Variants in RGSL1 observed in about 807,000 individuals in gnomAD.
The protein encoded by RGSL1 is regulator of G protein signaling like 1, also known as regulator of G protein signaling protein-like.
RGSL1 carries 97 observed loss-of-function variants against 124.7 expected under a neutral mutation model. That is an observed-to-expected ratio of 0.78 (90% CI 0.66 to 0.92). The LOEUF (loss-of-function observed/expected upper bound fraction) is 0.92, where lower values mean the gene tolerates loss of function less well. Among genes scored for constraint, RGSL1 ranks in the 40% least tolerant of loss-of-function variants. The pLI, the probability that RGSL1 is intolerant of heterozygous loss-of-function variation, is 0.00. For missense variants in RGSL1, 1,233 were observed against 1,288.4 expected (o/e 0.96, Z 0.66); for synonymous variants, 424 against 438.1 (o/e 0.97, Z 0.40).
At chr1:182,532,612 G>A (rs1271813163) in intron 13 of RGSL1, 50 bp from the exon 14 acceptor site, 1 of 1,535,818 alleles carries the variant, frequency 6.5e-7, no homozygotes, top group Non-Finnish European at 8.8e-7. Flanking sequence ...GACTCTCGGT[G>A]AACAGCAACC....
intron 11 of RGSL1, 38 bp downstream of exon 11, chr1:182,527,810 T>G: frequency 6.7e-7 from 1 of 1,493,216 alleles, no homozygotes; most frequent in Non-Finnish European, 9.1e-7. Flanking sequence ...CTCTCTCTCT[T>G]TAGTGTCTTA....
chr1:182,501,685 A>G (rs1656396399), intron 9 of RGSL1, among the ~76,000 whole-genome samples: 1 of 152,052 alleles, frequency 6.6e-6, no homozygotes, highest in Admixed American at 6.6e-5. Flanking sequence ...GGATTTTTGC[A>G]TCTATATCCA....
rs2101984913 is a variant in RGSL1, at chr1:182,456,089, G to A, written c.96+2049G>A. Among the ~76,000 whole-genome samples the A allele has an allele frequency of 2.6e-5, 4 of 152,194 alleles. No individual in the cohort carries two copies. The South Asian group carries it at 8.3e-4, about 32-fold the overall frequency. On this transcript the variant is annotated intron_variant, in intron 2 of 21. Coordinates refer to ENST00000294854, the MANE Select transcript of RGSL1 (RefSeq NM_001137669.2). Reference sequence around the variant, plus strand: ...AGATTGTTAACAAAACAAAATATAGGACCATGTCACTGTTTAAGTGTTGGG... The same window carrying A: ...AGATTGTTAACAAAACAAAATATAGAACCATGTCACTGTTTAAGTGTTGGG...
intron 8 of RGSL1, among the ~76,000 whole-genome samples, chr1:182,492,119 G>C (rs1376202560): frequency 6.6e-6 from 1 of 152,346 alleles, no homozygotes. Context: ...TCAGAGCTGA[G>C]AAAGGGAAAA....
At chr1:182,494,746 C>T (rs936636349) in intron 9 of RGSL1, among the ~76,000 whole-genome samples, 1 of 152,110 alleles carries the variant, frequency 6.6e-6, no homozygotes, top group Non-Finnish European at 1.5e-5. Context: ...GCCTCATTTT[C>T]CTGAGGTATC....
chr1:182,492,771 G>A (rs563506186), intron 8 of RGSL1, among the ~76,000 whole-genome samples: 1 of 152,044 alleles, frequency 6.6e-6, no homozygotes, highest in Non-Finnish European at 1.5e-5. Flanking sequence ...TGGGACCACA[G>A]GCGCCCGCCA....
chr1:182,454,275 C>G (rs1338086048), intron 2 of RGSL1, among the ~76,000 whole-genome samples: 1 of 152,182 alleles, frequency 6.6e-6, no homozygotes, highest in Non-Finnish European at 1.5e-5. Flanking sequence ...AGCCTCCTTA[C>G]TTGCCTTTAC....
At chr1:182,476,463 G>A (rs957780546) in intron 6 of RGSL1, among the ~76,000 whole-genome samples, 3 of 152,116 alleles carry the variant, frequency 2.0e-5, no homozygotes, top group African/African-American at 7.2e-5. Flanking sequence ...AAATCCAGAA[G>A]TGACCACTCC....
intron 9 of RGSL1, among the ~76,000 whole-genome samples, chr1:182,499,610 G>A (rs937440578): frequency 6.6e-6 from 1 of 152,126 alleles, no homozygotes. Context: ...TAACAGTTGG[G>A]TCTTGCTTTT....
chr1:182,535,267 A>T (rs1659457091), intron 14 of RGSL1, among the ~76,000 whole-genome samples: 1 of 152,166 alleles, frequency 6.6e-6, no homozygotes, highest in Admixed American at 6.5e-5. Flanking sequence ...TAAAATGTAC[A>T]TGTGTTTTCA....
chr1:182,523,040 A>AT (rs5779137), intron 10 of RGSL1, among the ~76,000 whole-genome samples: 133 of 150,278 alleles, frequency 8.9e-4, no homozygotes, highest in African/African-American at 2.1e-3. Context: ...TTTTTAATTA[A>AT]TTTTTTTTTC....
chr1:182,548,727 G>A lies in RGSL1; in HGVS notation c.2836G>A (p.Ala946Thr), dbSNP rs569358085. Residue 946 changes from alanine to threonine, a missense_variant, in exon 17 of 22, where the codon GCC becomes ACC. Transcript: ENST00000294854. ...RVNVPEFQKD[A>T]ILAAITEGYL... The stretch of plus-strand genomic sequence containing the variant: ...GAATGTCCCTGAGTTCCAGAAGGAT[G>A]CCATCCTTGCTGCCATCACAGAGGG... 31 of 1,551,630 alleles carry A rather than the reference G, an allele frequency of 2.0e-5. No homozygotes were observed. Among genetic ancestry groups the A allele is most frequent in the African/African-American group, 2.7e-5 (2 of 73,136 alleles).
chr1:182,544,180 A>G (rs1360194384), intron 15 of RGSL1, among the ~76,000 whole-genome samples: 5 of 151,910 alleles, frequency 3.3e-5, no homozygotes, highest in African/African-American at 1.2e-4. Context: ...TATCCCATAG[A>G]TTTTGGAATG....
In RGSL1 at chr1:182,548,372, G is replaced by A. The variant is rs1660351159; in HGVS notation, c.2725G>A (p.Glu909Lys). The A allele has an allele frequency of 6.4e-6, 10 of 1,551,884 alleles. No individual in the cohort carries two copies. Among genetic ancestry groups the A allele is most frequent in the African/African-American group, 1.4e-5 (1 of 73,012 alleles). The change falls in exon 16 of 22, where the codon GAG (glutamate) becomes AAG (lysine). Residue 909 changes from glutamate to lysine, a missense_variant. Transcript: ENST00000294854. ...HMLQVNRAYN[E>K]NDVILMRSKM... ...GCTGCAGGTCAACCGGGCATATAATGAGAATGATGTGATCCTAATGCGGTC... is the reference window on the plus strand; with the variant it reads ...GCTGCAGGTCAACCGGGCATATAATAAGAATGATGTGATCCTAATGCGGTC...
rs532549853 is a variant in RGSL1, at chr1:182,491,115, TG to T, written c.1718-1904del. On this transcript the variant is annotated intron_variant, in intron 8 of 21. Coordinates refer to ENST00000294854, the MANE Select transcript of RGSL1 (RefSeq NM_001137669.2). ...GTTGCCCAGGCTAGGCTTGAACTCC[TG>T]GGCTGAAGCCATCCTCCTGTCTTGG... Among the ~76,000 whole-genome samples, 666 of 151,992 alleles carry T rather than the reference TG, an allele frequency of 4.4e-3. 5 individuals are homozygous for T. The highest frequency in any genetic ancestry group is 0.016 in the African/African-American group (644 of 41,426).
intron 1 of RGSL1, chr1:182,450,396 A>G: frequency 1.7e-6 from 1 of 598,482 alleles, no homozygotes; most frequent in Non-Finnish European, 3.0e-6. Flanking sequence ...TATTCATAAG[A>G]CAACTAAGGC....
chr1:182,450,111 A>C (rs1651692531), upstream of RGSL1: 57 of 1,549,478 alleles, frequency 3.7e-5, no homozygotes, highest in South Asian at 6.1e-4. Context: ...AGTTCTATTG[A>C]CTGGGGGGTA....
intron 15 of RGSL1, among the ~76,000 whole-genome samples, chr1:182,543,679 T>C (rs1276136470): frequency 6.6e-6 from 1 of 152,120 alleles, no homozygotes; most frequent in East Asian, 1.9e-4. Context: ...GGCATTTTCT[T>C]TGACGGGAAA....
At chr1:182,519,129 A>C (rs1369575177) in intron 9 of RGSL1, among the ~76,000 whole-genome samples, 3 of 152,132 alleles carry the variant, frequency 2.0e-5, no homozygotes, top group Non-Finnish European at 4.4e-5. Flanking sequence ...TTTGATGTAA[A>C]CCAGTATTCC....
Sources: allele counts gnomAD v4.1 joint callset (sites outside exome capture counted in the v4.1 genomes callset), GRCh38; gene constraint gnomAD v4.1.1; transcripts MANE v1.5; gene names NCBI Gene and HGNC (gene_info 2026-07-23, HGNC 2026-07-21).